RBM38: variants seen among roughly 807,000 people sequenced by gnomAD.
RBM38 encodes the protein RNA-binding protein 38.
A neutral mutation model predicts 23.5 loss-of-function variants in RBM38; 11 were observed. The ratio of observed to expected loss-of-function variants is 0.47; its 90% CI spans 0.29 to 0.77. RBM38 has a LOEUF of 0.77. Ranked by LOEUF, RBM38 falls within the 30% of genes least tolerant of loss-of-function variation. The pLI is 0.08. For synonymous variants in RBM38, 165 were observed against 166.1 expected, an observed-to-expected ratio of 0.99 and a Z score of 0.05; for missense variants, 330 against 351.9, an observed-to-expected ratio of 0.94 and a Z score of 0.50.
At chr20:57,396,649 G>A (rs574591018) in intron 3 of RBM38, among the ~76,000 whole-genome samples, 8 of 152,310 alleles carry the variant, frequency 5.3e-5, no homozygotes, top group East Asian at 3.9e-4. Context: ...ATTATAGAAC[G>A]TTTGAAGGGG....
intron 3 of RBM38, among the ~76,000 whole-genome samples, chr20:57,403,853 C>T (rs1172379300): frequency 6.6e-6 from 1 of 152,232 alleles, no homozygotes; most frequent in Non-Finnish European, 1.5e-5. Flanking sequence ...AACTCTTGAC[C>T]TCATGATCTG....
chr20:57,392,329 C>T, intron 1 of RBM38: 1 of 1,087,852 alleles, frequency 9.2e-7, no homozygotes, highest in Non-Finnish European at 1.3e-6. Flanking sequence ...TCTCGGCCCT[C>T]ACTGGTGGGC....
At chr20:57,401,240 T>C (rs2067325178) in intron 3 of RBM38, among the ~76,000 whole-genome samples, 1 of 152,130 alleles carries the variant, frequency 6.6e-6, no homozygotes, top group Admixed American at 6.5e-5. Context: ...ACAGAAGCAA[T>C]AGATCCTCAC....
At chr20:57,394,180 C>T (rs1054015327) in intron 3 of RBM38, among the ~76,000 whole-genome samples, 1 of 152,196 alleles carries the variant, frequency 6.6e-6, no homozygotes, top group Non-Finnish European at 1.5e-5. Flanking sequence ...ATCCAAATCC[C>T]TAATGCCAGT....
chr20:57,400,727 C>T (rs911987537), intron 3 of RBM38, among the ~76,000 whole-genome samples: 2 of 151,880 alleles, frequency 1.3e-5, no homozygotes, highest in Admixed American at 6.6e-5. Context: ...TAAACAGATC[C>T]GCCTCTGATT....
At chr20:57,404,707 G>C (rs1000260400) in intron 3 of RBM38, among the ~76,000 whole-genome samples, 1 of 152,270 alleles carries the variant, frequency 6.6e-6, no homozygotes, top group Non-Finnish European at 1.5e-5. Flanking sequence ...CAGAGAGCTG[G>C]GAGTCCAGAC....
At chr20:57,400,388 G>C (rs1288260049) in intron 3 of RBM38, among the ~76,000 whole-genome samples, 1 of 152,160 alleles carries the variant, frequency 6.6e-6, no homozygotes, top group Non-Finnish European at 1.5e-5. Flanking sequence ...GGGTCCCCCT[G>C]TCCTCTCCTG....
chr20:57,404,925 T>C (rs540163529), intron 3 of RBM38, among the ~76,000 whole-genome samples: 184 of 152,240 alleles, frequency 1.2e-3, no homozygotes, highest in African/African-American at 3.4e-3. Flanking sequence ...GGGTGTGCAG[T>C]GGAAGCCAGG....
At chr20:57,398,810 C>T (rs1200831133) in intron 3 of RBM38, among the ~76,000 whole-genome samples, 1 of 152,248 alleles carries the variant, frequency 6.6e-6, no homozygotes, top group Non-Finnish European at 1.5e-5. Flanking sequence ...TGATCACAGA[C>T]TGAGTGGAGG....
intron 1 of RBM38, chr20:57,392,422 A>G (rs1484798569): frequency 1.3e-6 from 2 of 1,527,650 alleles, no homozygotes; most frequent in African/African-American, 2.7e-5. Context: ...CTTGAAGGCC[A>G]CATTTCCCAG....
chr20:57,393,717 G>T lies in RBM38; in HGVS notation c.416+384G>T, dbSNP rs533473969. On this transcript the variant is annotated intron_variant, in intron 3 of 3. Transcript: ENST00000356208. ...GCTGATGACTCTTAGGGACTGGCAG[G>T]CTGAGTTCTTCCCCAGGCACTCCTC... Among the ~76,000 whole-genome samples, 81 of 152,324 alleles carry T rather than the reference G, an allele frequency of 5.3e-4. 1 individual carries two copies. The highest frequency in any genetic ancestry group is 1.9e-3 in the African/African-American group (80 of 41,568).
chr20:57,394,220 G>A (rs1555276), intron 3 of RBM38, among the ~76,000 whole-genome samples: 88,444 of 151,622 alleles, frequency 0.58, 27,846 homozygotes, highest in East Asian at 0.96. Flanking sequence ...ACGCATGTGC[G>A]CACCACGTAG....
At chr20:57,404,084 G>C (rs1178165055) in intron 3 of RBM38, among the ~76,000 whole-genome samples, 1 of 152,246 alleles carries the variant, frequency 6.6e-6, no homozygotes, top group Non-Finnish European at 1.5e-5. Context: ...GAGTGTCCCT[G>C]AGTAGGGCAG....
chr20:57,392,686 G>T lies in RBM38; in HGVS notation c.270G>T (p.Arg90Ser), dbSNP rs564323236. 32 of 1,612,788 alleles carry T rather than the reference G, an allele frequency of 2.0e-5. No homozygotes were observed. In the Admixed American group the frequency reaches 4.0e-4, roughly 20 times the overall value. Residue 90 changes from arginine to serine, a missense_variant, in exon 2 of 4, where the codon AGG (arginine) becomes AGT (serine). By Grantham distance (110) the Arg-to-Ser change is moderately radical (BLOSUM62 -1). This residue lies in a region of RBM38 where 227 missense variants were observed against 216.4 expected (regional missense o/e 1.05). Coordinates refer to ENST00000356208, the MANE Select transcript of RBM38 (RefSeq NM_017495.6). ...VTMADRAAAE[R>S]ACKDPNPIID... ...TGGCCGACCGGGCGGCAGCTGAGAG[G>T]GCTTGCAAAGACCCGAACCCCATCA...
intron 1 of RBM38, 150 bp from the exon 2 acceptor site, chr20:57,392,504 A>T: frequency 6.5e-7 from 1 of 1,531,286 alleles, no homozygotes; most frequent in Non-Finnish European, 8.8e-7. Context: ...TAGGGTTCAG[A>T]GGAGCTTTGG....
intron 3 of RBM38, among the ~76,000 whole-genome samples, chr20:57,395,858 C>CGGCCAG (rs2067269809): frequency 2.0e-5 from 3 of 152,160 alleles, no homozygotes; most frequent in Admixed American, 2.0e-4. Flanking sequence ...CCTGACTCAG[C>CGGCCAG]GGCCAGTTTT....
At chr20:57,400,100 G>A (rs1449409113) in intron 3 of RBM38, 4 of 427,324 alleles carry the variant, frequency 9.4e-6, no homozygotes, top group African/African-American at 8.2e-5. Context: ...CTGTCTTGGG[G>A]GCAATCTGTT....
chr20:57,405,959 G>A (rs1245608431), intron 3 of RBM38, among the ~76,000 whole-genome samples: 2 of 152,216 alleles, frequency 1.3e-5, no homozygotes, highest in East Asian at 3.8e-4. Context: ...AGGGAAGGAT[G>A]TTGTACTTTT....
At chr20:57,399,810 G>A (rs1047470996) in intron 3 of RBM38, 2 of 448,630 alleles carry the variant, frequency 4.5e-6, no homozygotes, top group African/African-American at 4.0e-5. Context: ...CCCACACCCA[G>A]CCAGGCGGGA....
Sources: gnomAD v4.1 joint callset for allele counts (sites outside exome capture counted in the v4.1 genomes callset) on GRCh38, gnomAD v4.1.1 for gene constraint, gnomAD v4.1.1 regional missense constraint, MANE v1.5 for transcripts, NCBI Gene and HGNC (gene_info 2026-07-23, HGNC 2026-07-21) for gene names.